PARL: variants seen among roughly 807,000 people sequenced by gnomAD.
PARL encodes presenilin associated rhomboid like, also known as presenilin-associated rhomboid-like protein, mitochondrial.
Under a neutral mutation model 51.6 loss-of-function variants are expected in PARL, and 44 were observed. The ratio of observed to expected loss-of-function variants is 0.85; its 90% CI spans 0.67 to 1.10. PARL has a LOEUF of 1.10. Among genes scored for constraint, PARL ranks in the 50% least tolerant of loss-of-function variants. The pLI, the probability that PARL is intolerant of heterozygous loss-of-function variation, is 0.00. For synonymous variants in PARL, 172 were observed against 164.0 expected, an observed-to-expected ratio of 1.05 and a Z score of -0.37; for missense variants, 441 against 469.5, an observed-to-expected ratio of 0.94 and a Z score of 0.56.
intron 1 of PARL, among the ~76,000 whole-genome samples, chr3:183,882,249 A>ATATATATATATATATATT (rs1553906099): frequency 1.1e-4 from 5 of 43,904 alleles, no homozygotes; most frequent in East Asian, 1.5e-3. Flanking sequence ...ATATATTTAT[A>ATATATATATATATATATT]TATATATATA....
intron 1 of PARL, 92 bp downstream of exon 1, chr3:183,884,630 C>T (rs1197252929): frequency 2.0e-5 from 26 of 1,313,116 alleles, no homozygotes; most frequent in Non-Finnish European, 2.8e-5. Flanking sequence ...CTGGGGCCAG[C>T]ACAAGAGGCC....
chr3:183,871,078 C>G lies in PARL; in HGVS notation c.126-3018G>C, dbSNP rs16858181. ...TATATCTCTATCACCAAGTCTAGTC[C>G]CTAATAAAAGGTCAATAATTATCTG... On this transcript the variant is annotated intron_variant, in intron 1 of 9. Coordinates refer to ENST00000317096, the MANE Select transcript of PARL (RefSeq NM_018622.7). 5.6e-4 allele frequency among the ~76,000 whole-genome samples: 85 copies of G among 151,980 alleles called. No homozygotes were observed. In the East Asian group the frequency reaches 0.015, roughly 28 times the overall value.
intron 4 of PARL, among the ~76,000 whole-genome samples, chr3:183,845,215 A>G (rs940009276): frequency 3.9e-5 from 6 of 151,994 alleles, no homozygotes; most frequent in Non-Finnish European, 8.8e-5. Context: ...TTTAGAAAAC[A>G]TTCTTTGTCT....
At chr3:183,834,623 T>C (rs1728335091) in intron 7 of PARL, among the ~76,000 whole-genome samples, 2 of 152,110 alleles carry the variant, frequency 1.3e-5, no homozygotes, top group African/African-American at 4.8e-5. Context: ...TTGGGATGAA[T>C]ATGTCCATGA....
chr3:183,869,480 T>C (rs1355253539), intron 1 of PARL, among the ~76,000 whole-genome samples: 1 of 152,072 alleles, frequency 6.6e-6, no homozygotes, highest in Non-Finnish European at 1.5e-5. Flanking sequence ...AGTGCTAGGA[T>C]TACAGGCATG....
At chr3:183,845,885 G>A (rs749751526) in intron 4 of PARL, among the ~76,000 whole-genome samples, 3 of 152,324 alleles carry the variant, frequency 2.0e-5, no homozygotes, top group Non-Finnish European at 1.5e-5. Context: ...TTAGGGTAAA[G>A]ACGACCTGAG....
intron 2 of PARL, 112 bp downstream of exon 2, chr3:183,867,753 T>C (rs1402000): frequency 0.69 from 548,089 of 789,124 alleles, 192,972 homozygotes; most frequent in East Asian, 0.89. Flanking sequence ...AGCCCAGCTC[T>C]TTTTGATCCC....
intron 7 of PARL, among the ~76,000 whole-genome samples, chr3:183,839,618 C>T (rs1309765987): frequency 2.0e-5 from 3 of 152,126 alleles, no homozygotes; most frequent in African/African-American, 7.2e-5. Context: ...AGGGTTTCAC[C>T]ATGTTGACCA....
At chr3:183,857,769 C>T (rs1189181345) in intron 4 of PARL, among the ~76,000 whole-genome samples, 1 of 152,138 alleles carries the variant, frequency 6.6e-6, no homozygotes, top group African/African-American at 2.4e-5. Flanking sequence ...CCCTTTCCTC[C>T]CTGGGGGTAG....
chr3:183,843,712 T>C (rs1270879447), intron 5 of PARL, among the ~76,000 whole-genome samples: 4 of 151,860 alleles, frequency 2.6e-5, no homozygotes, highest in Non-Finnish European at 4.4e-5. Flanking sequence ...GCACCTGTAG[T>C]CCCAGCTACT....
Position 183,833,484 on chromosome 3 carries a change from A to C in PARL, c.1028+8T>G, listed in dbSNP as rs377546098. The stretch of plus-strand genomic sequence containing the variant: ...AGCAGTTTAGCAATCAATTACACTC[A>C]AACTTACATTCCAAAAAGAGCTCCC... On this transcript the variant is annotated splice_region_variant and intron_variant, in intron 9 of 9. Transcript: ENST00000317096. 3.8e-6 allele frequency: 6 copies of C among 1,578,406 alleles called. No homozygotes were observed. The highest frequency in any genetic ancestry group is 5.2e-6 in the Non-Finnish European group (6 of 1,147,550).
At chr3:183,876,627 A>G (rs201148171) in intron 1 of PARL, among the ~76,000 whole-genome samples, 17 of 85,896 alleles carry the variant, frequency 2.0e-4, no homozygotes, top group South Asian at 1.1e-3. Context: ...AAAAAAAAAA[A>G]AAAAAAAAAA....
At chr3:183,847,771 G>A (rs12638094) in intron 4 of PARL, among the ~76,000 whole-genome samples, 25,113 of 152,058 alleles carry the variant, frequency 0.17, 2,412 homozygotes, top group East Asian at 0.27. Context: ...GTAAAATGAG[G>A]ACAATACCTC....
chr3:183,870,954 T>A (rs1381876102), intron 1 of PARL, among the ~76,000 whole-genome samples: 1 of 152,132 alleles, frequency 6.6e-6, no homozygotes, highest in Non-Finnish European at 1.5e-5. Flanking sequence ...CCAGGCTGGG[T>A]ACTTCTCTCC....
At position 183,882,096 on chromosome 3, in the gene PARL, C is replaced by T. The variant is rs375024218; in HGVS notation, c.125+2626G>A. Among the ~76,000 whole-genome samples the T allele has an allele frequency of 2.3e-4, 34 of 149,286 alleles. 1 individual carries two copies. In the Middle Eastern group the frequency reaches 0.021, roughly 92 times the overall value. ...GTGCATGCCTGTAATCCCAGCTACT[C>T]GGGAGGCTGAGGCAGGAGAATCGCT... On this transcript the variant is annotated intron_variant, in intron 1 of 9. Coordinates refer to ENST00000317096, the MANE Select transcript of PARL (RefSeq NM_018622.7).
intron 4 of PARL, among the ~76,000 whole-genome samples, chr3:183,855,976 A>C (rs1731112449): frequency 6.6e-6 from 1 of 151,442 alleles, no homozygotes. Context: ...ACAAACAAAA[A>C]AAAAAACAAA....
chr3:183,864,660 CAGCTACTCCGG>C (rs1292671282), intron 3 of PARL, among the ~76,000 whole-genome samples: 3 of 151,828 alleles, frequency 2.0e-5, no homozygotes, highest in African/African-American at 7.3e-5. Context: ...CCTGTAGTCC[CAGCTACTCCGG>C]AGGCTGAGGA....
intron 4 of PARL, among the ~76,000 whole-genome samples, chr3:183,857,493 G>A (rs1035420219): frequency 1.3e-5 from 2 of 152,288 alleles, no homozygotes; most frequent in East Asian, 3.9e-4. Context: ...TGGTGCAGAA[G>A]AGTATGTACT....
intron 5 of PARL, 131 bp from the exon 6 acceptor site, chr3:183,842,578 G>A: frequency 1.3e-6 from 1 of 764,062 alleles, no homozygotes; most frequent in Non-Finnish European, 2.2e-6. Flanking sequence ...GGGAGGCCAA[G>A]GCAGGCGGAT....
Sources: gnomAD v4.1 joint callset for allele counts (sites outside exome capture counted in the v4.1 genomes callset) on GRCh38, gnomAD v4.1.1 for gene constraint, MANE v1.5 for transcripts, NCBI Gene and HGNC (gene_info 2026-07-23, HGNC 2026-07-21) for gene names.